UIMC1: variants seen among roughly 807,000 people sequenced by gnomAD.
UIMC1 encodes ubiquitin interaction motif containing 1, also known as BRCA1-A complex subunit RAP80.
A neutral mutation model predicts 84.9 loss-of-function variants in UIMC1; 42 were observed. That is an observed-to-expected ratio of 0.49 (90% CI 0.39 to 0.64). The LOEUF (loss-of-function observed/expected upper bound fraction) is 0.64, where lower values mean the gene tolerates loss of function less well. Among genes scored for constraint, UIMC1 ranks in the 30% least tolerant of loss-of-function variants. The probability of loss-of-function intolerance (pLI) is 0.00; values close to 1 mark genes in which losing one functional copy is unlikely to be tolerated. For missense variants in UIMC1, 825 were observed against 847.6 expected (o/e 0.97, Z 0.33); for synonymous variants, 281 against 293.0 (o/e 0.96, Z 0.42).
intron 2 of UIMC1, among the ~76,000 whole-genome samples, chr5:176,976,726 C>T (rs1282998218): frequency 6.6e-6 from 1 of 152,218 alleles, no homozygotes; most frequent in Non-Finnish European, 1.5e-5. Flanking sequence ...CCAGAATGGG[C>T]AAATCCATAT....
intron 1 of UIMC1, among the ~76,000 whole-genome samples, chr5:176,994,510 TAA>T (rs58699518): frequency 0.28 from 38,107 of 138,206 alleles, 6,149 homozygotes; most frequent in African/African-American, 0.47. Flanking sequence ...GCAGTTTCTT[TAA>T]AAAAAAAAAA....
intron 10 of UIMC1, among the ~76,000 whole-genome samples, chr5:176,917,415 T>C (rs1033462222): frequency 2.6e-5 from 4 of 151,496 alleles, no homozygotes; most frequent in Middle Eastern, 6.8e-3. Flanking sequence ...CTACTGAAAA[T>C]AGACAATTTA....
chr5:176,964,873 C>CT (rs1253855113), intron 6 of UIMC1, among the ~76,000 whole-genome samples: 3 of 152,136 alleles, frequency 2.0e-5, no homozygotes, highest in African/African-American at 4.8e-5. Context: ...CCACAGCTGA[C>CT]TGGGCTACTG....
At chr5:176,929,581 C>G (rs1762835789) in intron 10 of UIMC1, among the ~76,000 whole-genome samples, 1 of 151,872 alleles carries the variant, frequency 6.6e-6, no homozygotes, top group Non-Finnish European at 1.5e-5. Context: ...AAAAAGTTAT[C>G]TGAGATATAA....
chr5:176,912,013 GTT>G (rs1187422938), intron 10 of UIMC1, among the ~76,000 whole-genome samples: 2 of 152,196 alleles, frequency 1.3e-5, no homozygotes, highest in Admixed American at 6.5e-5. Flanking sequence ...GATCTTGGAG[GTT>G]ATTTAATCAA....
At position 176,955,955 on chromosome 5, in the gene UIMC1, T is replaced by C; in HGVS notation, c.1339+4A>G. 2 of 1,613,242 alleles carry C rather than the reference T, an allele frequency of 1.2e-6. No individual in the cohort carries two copies. The highest frequency in any genetic ancestry group is 3.3e-5 in the Admixed American group (2 of 59,896). On this transcript the variant is annotated splice_donor_region_variant and intron_variant, in intron 8 of 14. Coordinates refer to ENST00000511320, the MANE Select transcript of UIMC1 (RefSeq NM_001199298.2). ...ATTCAGTAAAATCACAGTGGGGTACTTACCAGGACAAACAGTGATTTCTTC... is the reference window on the plus strand; with the variant it reads ...ATTCAGTAAAATCACAGTGGGGTACCTACCAGGACAAACAGTGATTTCTTC...
intron 10 of UIMC1, among the ~76,000 whole-genome samples, chr5:176,917,001 T>C (rs1433085146): frequency 6.6e-6 from 1 of 152,174 alleles, no homozygotes. Flanking sequence ...AAATTATATA[T>C]ACAAAGAAGG....
Position 176,975,411 on chromosome 5 carries a change from T to G in UIMC1, c.217A>C (p.Lys73Gln). The stretch of plus-strand genomic sequence containing the variant: ...GAAAACATACGTGCGATTTTTCTTT[T>G]GGCCAAACACTTTGCTCTATTCGAC... ...KQSNRAKCLA[K>Q]RKIAQMTEEE... The change falls in exon 3 of 15, where the codon AAA (lysine) becomes CAA (glutamine). Residue 73 changes from lysine (K) to glutamine (Q), a missense_variant. Transcript: ENST00000511320. The G allele has an allele frequency of 6.2e-7, 1 of 1,613,878 alleles. No homozygotes were observed. Among genetic ancestry groups the G allele is most frequent in the Non-Finnish European group, 8.5e-7 (1 of 1,179,924 alleles).
At chr5:176,956,859 C>T (rs1174810456) in intron 7 of UIMC1, among the ~76,000 whole-genome samples, 1 of 152,032 alleles carries the variant, frequency 6.6e-6, no homozygotes, top group Admixed American at 6.6e-5. Context: ...TAGAAAACCA[C>T]AAGTGATTTA....
intron 10 of UIMC1, among the ~76,000 whole-genome samples, chr5:176,938,490 C>A (rs1012362505): frequency 1.3e-5 from 2 of 152,150 alleles, no homozygotes; most frequent in African/African-American, 4.8e-5. Context: ...CCCACCTATA[C>A]CCCCAAGCTC....
At chr5:176,984,607 A>T (rs1771671024) in intron 1 of UIMC1, among the ~76,000 whole-genome samples, 1 of 151,990 alleles carries the variant, frequency 6.6e-6, no homozygotes, top group Non-Finnish European at 1.5e-5. Flanking sequence ...ACAGCGACCA[A>T]CGAGAACAGG....
At chr5:176,996,925 C>T (rs977127789) in intron 1 of UIMC1, among the ~76,000 whole-genome samples, 13 of 152,112 alleles carry the variant, frequency 8.5e-5, no homozygotes, top group Admixed American at 7.9e-4. Flanking sequence ...CATAAACTCT[C>T]AAAATATCCC....
At chr5:177,008,647 G>A (rs1332313899), upstream of UIMC1, among the ~76,000 whole-genome samples, 1 of 152,170 alleles carries the variant, frequency 6.6e-6, no homozygotes, top group East Asian at 1.9e-4. Flanking sequence ...AGGACAGACA[G>A]CCTATGGCAG....
intron 9 of UIMC1, among the ~76,000 whole-genome samples, chr5:176,947,682 G>A (rs897863739): frequency 2.0e-5 from 3 of 151,990 alleles, no homozygotes; most frequent in African/African-American, 7.2e-5. Context: ...GCCAGGCGTG[G>A]TGGTGGGCGC....
chr5:176,969,189 GT>G lies in UIMC1; in HGVS notation c.565del (p.Thr189LeufsTer24). 1 of 1,614,168 alleles carries G rather than the reference GT, an allele frequency of 6.2e-7. No homozygotes were observed. Among genetic ancestry groups the G allele is most frequent in the Non-Finnish European group, 8.5e-7 (1 of 1,180,030 alleles). On this transcript the variant is annotated frameshift_variant, in exon 6 of 15. Coordinates refer to ENST00000511320, the MANE Select transcript of UIMC1 (RefSeq NM_001199298.2). LOFTEE classifies it high-confidence loss of function. ...GCTGCCAGAGACCGGCTCCTCTTCA[GT>G]TTTTTCAGTGTGGTCCCAAGGCTCC... ...REEPWDHTEKTEEEPVSGSSG... is the reference protein window; with the variant it reads ...REEPWDHTEKXEEEPVSGSSG...
chr5:176,983,181 A>G (rs1771312627), intron 1 of UIMC1, among the ~76,000 whole-genome samples: 1 of 152,136 alleles, frequency 6.6e-6, no homozygotes, highest in Admixed American at 6.5e-5. Context: ...TAACAGAAGC[A>G]AAACTGCATT....
intron 10 of UIMC1, among the ~76,000 whole-genome samples, chr5:176,913,710 C>A (rs1405661710): frequency 2.6e-5 from 4 of 152,252 alleles, no homozygotes; most frequent in African/African-American, 9.6e-5. Flanking sequence ...GGTGCAGCGG[C>A]TCACGCCTGT....
intron 9 of UIMC1, among the ~76,000 whole-genome samples, chr5:176,948,905 A>G (rs1765475130): frequency 6.6e-6 from 1 of 152,180 alleles, no homozygotes; most frequent in East Asian, 1.9e-4. Context: ...ATCTTTGTGC[A>G]CATAAAATGT....
At chr5:176,917,604 TTATC>T (rs1368023595) in intron 10 of UIMC1, among the ~76,000 whole-genome samples, 5 of 152,058 alleles carry the variant, frequency 3.3e-5, no homozygotes, top group Non-Finnish European at 5.9e-5. Flanking sequence ...AAAAAACAAA[TTATC>T]TATCAGTTTC....
Sources: gnomAD v4.1 joint callset for allele counts (sites outside exome capture counted in the v4.1 genomes callset) on GRCh38, gnomAD v4.1.1 for gene constraint, MANE v1.5 for transcripts, NCBI Gene and HGNC (gene_info 2026-07-23, HGNC 2026-07-21) for gene names.